LMTK2: variants seen among roughly 807,000 people sequenced by gnomAD.
The protein encoded by LMTK2 is lemur tail kinase 2.
In LMTK2, 37 loss-of-function variants were observed where a neutral mutation model predicts 127.5. The observed-to-expected ratio is 0.29, with a 90% CI of 0.22 to 0.38. The LOEUF is 0.38. LMTK2 is among the 10% of genes least tolerant of loss of function. The pLI, the probability that LMTK2 is intolerant of heterozygous loss-of-function variation, is 1.00. For missense variants in LMTK2, 1,694 were observed against 1,920.3 expected (o/e 0.88, Z 2.20); for synonymous variants, 819 against 810.1 (o/e 1.01, Z -0.19).
At chr7:98,142,868 C>G (rs1432065277) in intron 3 of LMTK2, among the ~76,000 whole-genome samples, 1 of 152,228 alleles carries the variant, frequency 6.6e-6, no homozygotes, top group Non-Finnish European at 1.5e-5. Context: ...CTTCTCTGCT[C>G]AGTAGGGAGG....
intron 6 of LMTK2, among the ~76,000 whole-genome samples, chr7:98,168,305 A>AG (rs1185561890): frequency 6.6e-6 from 1 of 152,178 alleles, no homozygotes; most frequent in African/African-American, 2.4e-5. Context: ...ATGATGTATA[A>AG]GGTTATGGAT....
chr7:98,202,903 T>A (rs1797723455), intron 11 of LMTK2, among the ~76,000 whole-genome samples: 1 of 152,182 alleles, frequency 6.6e-6, no homozygotes, highest in South Asian at 2.1e-4. Flanking sequence ...GAGGCTTTAG[T>A]TACACGATGT....
rs574531450 is a variant in LMTK2 at position 98,107,438 on chromosome 7, G to A, written c.103+158G>A. On this transcript the variant is annotated intron_variant, in intron 1 of 13. Coordinates refer to ENST00000297293, the MANE Select transcript of LMTK2 (RefSeq NM_014916.4). ...GATTAGGGAGATTTCTGCCGCAGGG[G>A]CGTGGGATTTGGGGGGGCGGGAGCG... Among the ~76,000 whole-genome samples the A allele has an allele frequency of 9.2e-5, 14 of 151,574 alleles. No individual in the cohort carries two copies. The South Asian group carries it at 2.7e-3, about 29-fold the overall frequency.
At chr7:98,196,451 C>T (rs1183322776) in intron 11 of LMTK2, among the ~76,000 whole-genome samples, 1 of 152,232 alleles carries the variant, frequency 6.6e-6, no homozygotes, top group Non-Finnish European at 1.5e-5. Context: ...TCCACCGTCT[C>T]TGTGAACTTG....
intron 1 of LMTK2, among the ~76,000 whole-genome samples, chr7:98,121,564 G>A (rs1287743288): frequency 6.6e-6 from 1 of 151,718 alleles, no homozygotes; most frequent in Non-Finnish European, 1.5e-5. Flanking sequence ...ACCCAGGAGG[G>A]TGGAGGTTGC....
Position 98,193,579 on chromosome 7 carries a change from G to T in LMTK2, c.3114G>T (p.Glu1038Asp). The change falls in exon 11 of 14, where the codon GAG becomes GAT. Residue 1038 changes from glutamate to aspartate, a missense_variant. By Grantham distance (45) the Glu-to-Asp change is conservative (BLOSUM62 2). Around this residue, in one of 8 missense-constraint regions of LMTK2, gnomAD observed 65 missense variants for 116.5 expected, o/e 0.56. Transcript: ENST00000297293. The surrounding 1 kb of genome is among the most constrained non-coding windows in gnomAD (Gnocchi z 4.1). ...ADSGYETENLESPEWTLHPAP... is the reference protein window; with the variant it reads ...ADSGYETENLDSPEWTLHPAP... The stretch of plus-strand genomic sequence containing the variant: ...GTGGCTACGAAACAGAGAACTTGGA[G>T]TCTCCCGAGTGGACCTTGCATCCCG... The T allele has an allele frequency of 6.2e-7, 1 of 1,614,140 alleles. No homozygotes were observed. Among genetic ancestry groups the T allele is most frequent in the Non-Finnish European group, 8.5e-7 (1 of 1,180,040 alleles).
At chr7:98,161,272 C>G (rs1427216143) in intron 6 of LMTK2, among the ~76,000 whole-genome samples, 5 of 152,154 alleles carry the variant, frequency 3.3e-5, no homozygotes, top group African/African-American at 1.2e-4. Context: ...GAAATTACAG[C>G]ATGCACATTT....
intron 11 of LMTK2, among the ~76,000 whole-genome samples, chr7:98,195,993 C>T (rs190799476): frequency 6.6e-6 from 1 of 152,216 alleles, no homozygotes; most frequent in Admixed American, 6.5e-5. Context: ...AATTCAAGAC[C>T]AGCCTGGGCA....
At chr7:98,116,107 T>C (rs933655434) in intron 1 of LMTK2, among the ~76,000 whole-genome samples, 3 of 152,158 alleles carry the variant, frequency 2.0e-5, no homozygotes, top group African/African-American at 7.2e-5. Context: ...TTGCCCAGGC[T>C]GGTCTCAAAC....
At chr7:98,162,991 C>T (rs1797037999) in intron 6 of LMTK2, among the ~76,000 whole-genome samples, 1 of 152,090 alleles carries the variant, frequency 6.6e-6, no homozygotes, top group South Asian at 2.1e-4. Flanking sequence ...ATGAATGAAC[C>T]TTAAGGCCAT....
Position 98,205,748 on chromosome 7 carries a change from A to C in LMTK2, c.*256A>C. The C allele has an allele frequency of 1.8e-6, 1 of 567,650 alleles. No homozygotes were observed. The highest frequency in any genetic ancestry group is 3.2e-6 in the Non-Finnish European group (1 of 315,344). The allele number at this position is 567,650 out of a possible 1,614,324, so 35.2% of individuals were successfully genotyped here. ...CACCCGCGGCCGCGGCCTCCCAGGC[A>C]GTGCTCATGCGCTGGCCGTCGGGGG... On this transcript the variant is annotated 3_prime_UTR_variant, in exon 14 of 14. Transcript: ENST00000297293.
intron 11 of LMTK2, 106 bp from the exon 12 acceptor site, chr7:98,203,468 A>G: frequency 2.1e-6 from 3 of 1,397,130 alleles, no homozygotes; most frequent in African/African-American, 2.9e-5. Context: ...TGAGACGCTT[A>G]CTTCTCAGTC....
At chr7:98,132,465 G>A (rs542651205) in intron 1 of LMTK2, among the ~76,000 whole-genome samples, 17 of 152,228 alleles carry the variant, frequency 1.1e-4, no homozygotes, top group African/African-American at 3.1e-4. Flanking sequence ...TGGTCAGGAT[G>A]GTCTCAATCT....
At chr7:98,141,317 A>C (rs1359745994) in intron 2 of LMTK2, 80 bp from the exon 3 acceptor site, 2 of 1,328,812 alleles carry the variant, frequency 1.5e-6, no homozygotes, top group Non-Finnish European at 2.1e-6. Flanking sequence ...TGTGGCAGCA[A>C]GTTCCAAATC....
At chr7:98,143,929 C>T (rs1338954502) in intron 3 of LMTK2, among the ~76,000 whole-genome samples, 1 of 152,002 alleles carries the variant, frequency 6.6e-6, no homozygotes, top group East Asian at 1.9e-4. Flanking sequence ...AATACAGTGG[C>T]GATTTATGTG....
At chr7:98,122,663 G>A (rs1796378966) in intron 1 of LMTK2, among the ~76,000 whole-genome samples, 1 of 150,790 alleles carries the variant, frequency 6.6e-6, no homozygotes, top group African/African-American at 2.4e-5. Flanking sequence ...ACAGTTCAGT[G>A]AATAACTCTA....
In LMTK2 at chr7:98,171,211, C is replaced by G. The variant is rs1797185370; in HGVS notation, c.658-330C>G. ...GCAGTGTGAGTGGCACCATTTCTTACACTCTCCGTGTCATCTCCTAGGTAA... is the reference window on the plus strand; with the variant it reads ...GCAGTGTGAGTGGCACCATTTCTTAGACTCTCCGTGTCATCTCCTAGGTAA... On this transcript the variant is annotated intron_variant, in intron 6 of 13. Coordinates refer to ENST00000297293, the MANE Select transcript of LMTK2 (RefSeq NM_014916.4). The surrounding 1 kb of genome is among the most constrained non-coding windows in gnomAD (Gnocchi z 5.1). Among the ~76,000 whole-genome samples the G allele has an allele frequency of 6.6e-6, 1 of 152,168 alleles. No homozygotes were observed. The highest frequency in any genetic ancestry group is 1.5e-5 in the Non-Finnish European group (1 of 68,040).
intron 10 of LMTK2, 42 bp from the exon 11 acceptor site, chr7:98,191,572 A>AT: frequency 2.0e-6 from 3 of 1,486,234 alleles, no homozygotes; most frequent in Non-Finnish European, 2.7e-6. Context: ...AAAAAAAAAA[A>AT]TTCGTGATGG....
intron 6 of LMTK2, among the ~76,000 whole-genome samples, chr7:98,166,669 T>TA (rs1332001639): frequency 6.6e-6 from 1 of 152,188 alleles, no homozygotes; most frequent in African/African-American, 2.4e-5. Flanking sequence ...GCCATCGTGT[T>TA]ACAGTGGCTT....
Sources: allele counts gnomAD v4.1 joint callset (sites outside exome capture counted in the v4.1 genomes callset), GRCh38; gene constraint gnomAD v4.1.1; regional missense constraint gnomAD v4.1.1; non-coding constraint Gnocchi (gnomAD v3.1); transcripts MANE v1.5; gene names NCBI Gene and HGNC (gene_info 2026-07-23, HGNC 2026-07-21).